Variants in SLC38A12 observed in about 807,000 individuals in gnomAD.
SLC38A12 encodes the protein putative sodium-coupled neutral amino acid transporter 12.
chr17:74,825,024 G>A, the SLC38A12 span, among the ~76,000 whole-genome samples: 8 of 152,172 alleles, frequency 5.3e-5, no homozygotes, highest in African/African-American at 1.2e-4. Flanking sequence ...CATCACCACC[G>A]GCAGCCAGGG....
chr17:74,789,628 C>T, the SLC38A12 span, among the ~76,000 whole-genome samples: 1 of 151,246 alleles, frequency 6.6e-6, no homozygotes, highest in Non-Finnish European at 1.5e-5. Flanking sequence ...GGTGGATCAC[C>T]TGAGGTCAGG....
chr17:74,786,509 A>G, the SLC38A12 span, among the ~76,000 whole-genome samples: 1 of 152,176 alleles, frequency 6.6e-6, no homozygotes, highest in Non-Finnish European at 1.5e-5. Flanking sequence ...TAAATGGGTA[A>G]ATGGAAGAGT....
At chr17:74,832,485 C>T in the SLC38A12 span, among the ~76,000 whole-genome samples, 3 of 152,240 alleles carry the variant, frequency 2.0e-5, no homozygotes, top group East Asian at 1.9e-4. Flanking sequence ...GTTTTGGGGG[C>T]GTGGCTCTTC....
chr17:74,777,846 G>A, the SLC38A12 span: 30 of 355,792 alleles, frequency 8.4e-5, no homozygotes, highest in East Asian at 1.5e-3. Context: ...CCCGGGAGGC[G>A]GACGTTGCAG....
the SLC38A12 span, among the ~76,000 whole-genome samples, chr17:74,833,571 G>C: frequency 6.6e-6 from 1 of 152,248 alleles, no homozygotes; most frequent in African/African-American, 2.4e-5. Context: ...GTGAGGCTGG[G>C]GAGTTAGAGG....
At chr17:74,801,743 C>T in the SLC38A12 span, among the ~76,000 whole-genome samples, 2 of 152,186 alleles carry the variant, frequency 1.3e-5, no homozygotes, top group African/African-American at 4.8e-5. Flanking sequence ...TAGCTTGTCT[C>T]TTTCTTTTTC....
At chr17:74,785,395 T>TGCCATCA in the SLC38A12 span, 1 of 1,545,204 alleles carries the variant, frequency 6.5e-7, no homozygotes. Flanking sequence ...TCCACAGTGG[T>TGCCATCA]GCCATCACCA....
the SLC38A12 span, among the ~76,000 whole-genome samples, chr17:74,779,242 A>G: frequency 1.3e-5 from 2 of 152,168 alleles, no homozygotes; most frequent in African/African-American, 4.8e-5. Flanking sequence ...GTCCTCTCAC[A>G]TGTCAGCATG....
chr17:74,782,975 A>G, the SLC38A12 span, among the ~76,000 whole-genome samples: 1 of 152,218 alleles, frequency 6.6e-6, no homozygotes, highest in East Asian at 1.9e-4. Context: ...TACTAAAACT[A>G]CAAAATTAAG....
At chr17:74,795,013 G>A in the SLC38A12 span, 17 of 1,613,510 alleles carry the variant, frequency 1.1e-5, no homozygotes, top group Non-Finnish European at 1.4e-5. Flanking sequence ...TCCTTTCAGT[G>A]GGGGTCAACT....
chr17:74,823,319 A>T, the SLC38A12 span, among the ~76,000 whole-genome samples: 1 of 152,238 alleles, frequency 6.6e-6, no homozygotes, highest in Non-Finnish European at 1.5e-5. Context: ...CTTGGGCTTA[A>T]TTAGGAATTA....
At chr17:74,813,178 C>T in the SLC38A12 span, among the ~76,000 whole-genome samples, 1 of 152,200 alleles carries the variant, frequency 6.6e-6, no homozygotes, top group Non-Finnish European at 1.5e-5. Flanking sequence ...CGCCTGCGTG[C>T]TTCCCTGGTC....
chr17:74,790,334 C>T, the SLC38A12 span: 40 of 1,576,512 alleles, frequency 2.5e-5, 1 homozygote, highest in South Asian at 5.5e-5. Context: ...CACTTCCCTC[C>T]GGGCCACAGG....
At chr17:74,792,250 A>G in the SLC38A12 span, among the ~76,000 whole-genome samples, 1 of 152,182 alleles carries the variant, frequency 6.6e-6, no homozygotes, top group African/African-American at 2.4e-5. Context: ...CAGGAGTTGG[A>G]GACCAGCCTG....
the SLC38A12 span, chr17:74,785,358 C>T: frequency 7.2e-7 from 1 of 1,385,842 alleles, no homozygotes; most frequent in Non-Finnish European, 9.8e-7. Context: ...CTGCCTCCTT[C>T]CCTGTCTACA....
chr17:74,795,177 A>G, the SLC38A12 span: 1 of 1,352,236 alleles, frequency 7.4e-7, no homozygotes, highest in Non-Finnish European at 1.1e-6. Context: ...GTCAGGGCAG[A>G]GTGTCCAGGG....
the SLC38A12 span, among the ~76,000 whole-genome samples, chr17:74,789,047 T>C: frequency 6.6e-6 from 1 of 152,152 alleles, no homozygotes. Context: ...AAAGCACAAA[T>C]GGAGCCTCTG....
At chr17:74,796,760 G>C in the SLC38A12 span, among the ~76,000 whole-genome samples, 2 of 152,246 alleles carry the variant, frequency 1.3e-5, no homozygotes, top group South Asian at 4.1e-4. Context: ...ATTTGGTAGC[G>C]GGTTAATTGT....
chr17:74,819,138 G>A, the SLC38A12 span, among the ~76,000 whole-genome samples: 9 of 152,114 alleles, frequency 5.9e-5, no homozygotes, highest in East Asian at 3.9e-4. Context: ...TGGTCATCCC[G>A]GGTACTTCCG....
Sources: allele counts gnomAD v4.1 joint callset (sites outside exome capture counted in the v4.1 genomes callset), GRCh38; gene constraint gnomAD v4.1.1; transcripts MANE v1.5; gene names NCBI Gene and HGNC (gene_info 2026-07-23, HGNC 2026-07-21).